TRIM58: variants seen among roughly 807,000 people sequenced by gnomAD.
TRIM58 encodes the protein E3 ubiquitin-protein ligase TRIM58.
In TRIM58, 38 loss-of-function variants were observed where a neutral mutation model predicts 34.1. The ratio of observed to expected loss-of-function variants is 1.12; its 90% CI spans 0.86 to 1.46. TRIM58 has a LOEUF of 1.46. Ranked by LOEUF, TRIM58 falls within the 40% of genes most tolerant of loss-of-function variation. TRIM58 has a pLI of 0.00. For missense variants in TRIM58, 677 were observed against 642.0 expected (o/e 1.05, Z -0.59); for synonymous variants, 273 against 275.7 (o/e 0.99, Z 0.10).
At chr1:247,864,029 G>T (rs190822382) in intron 2 of TRIM58, among the ~76,000 whole-genome samples, 98 of 152,222 alleles carry the variant, frequency 6.4e-4, no homozygotes, top group Admixed American at 2.6e-3. Flanking sequence ...GTTGTTTCTA[G>T]TGGTTCTAGC....
rs199888460 is a variant in TRIM58, at chr1:247,864,679, C to T, written c.517-26C>T. 115 of 1,610,312 alleles carry T rather than the reference C, an allele frequency of 7.1e-5. 1 individual carries two copies. In the East Asian group the frequency reaches 1.9e-3, roughly 26 times the overall value. On this transcript the variant is annotated intron_variant, in intron 2 of 5. Transcript: ENST00000366481. Reference sequence around the variant, plus strand: ...ATGGCTGCTGGAGGCCAAGCACTGACGATGTGATCCACGGTGTCACCTCAG... The same window carrying T: ...ATGGCTGCTGGAGGCCAAGCACTGATGATGTGATCCACGGTGTCACCTCAG...
intron 3 of TRIM58, among the ~76,000 whole-genome samples, chr1:247,865,883 A>G (rs1345032426): frequency 6.6e-6 from 1 of 152,166 alleles, no homozygotes; most frequent in Non-Finnish European, 1.5e-5. Flanking sequence ...CACGGATTCC[A>G]CCTTTTCTGA....
intron 2 of TRIM58, 73 bp from the exon 3 acceptor site, chr1:247,864,632 C>G (rs1340571350): frequency 1.3e-5 from 20 of 1,495,986 alleles, no homozygotes; most frequent in East Asian, 2.3e-5. Flanking sequence ...TGGACATTAC[C>G]TTCTCCAGCA....
At chr1:247,857,743 A>T in intron 1 of TRIM58, 77 bp downstream of exon 1, 1 of 1,197,752 alleles carries the variant, frequency 8.3e-7, no homozygotes, top group Admixed American at 4.4e-5. Flanking sequence ...GGAGCCGCCG[A>T]GGCCACCCGT....
intron 3 of TRIM58, among the ~76,000 whole-genome samples, chr1:247,865,572 A>G (rs535660887): frequency 4.6e-5 from 7 of 152,352 alleles, no homozygotes; most frequent in African/African-American, 1.7e-4. Flanking sequence ...CCCACATTGC[A>G]TGCCCGTTCC....
Position 247,879,699 on chromosome 1 carries a change from A to G in TRIM58, c.*3210A>G, listed in dbSNP as rs1453258680. On this transcript the variant is annotated 3_prime_UTR_variant, in exon 6 of 6. Transcript: ENST00000366481. ...TGGCCTCATGGCTGGGTTTCCACCA[A>G]AGCAGGCACTTCCCATCACAGGGCC... Among the ~76,000 whole-genome samples, 1 of 151,118 alleles carries G rather than the reference A, an allele frequency of 6.6e-6. No individual in the cohort carries two copies. The highest frequency in any genetic ancestry group is 2.0e-4 in the East Asian group (1 of 5,020).
intron 3 of TRIM58, 96 bp from the exon 4 acceptor site, chr1:247,867,749 G>T: frequency 7.6e-7 from 1 of 1,315,952 alleles, no homozygotes; most frequent in Non-Finnish European, 1.1e-6. Context: ...ATAATGTTTT[G>T]CAGTAGTTTC....
At chr1:247,872,430 A>C (rs938916565) in intron 5 of TRIM58, among the ~76,000 whole-genome samples, 2 of 152,200 alleles carry the variant, frequency 1.3e-5, no homozygotes, top group African/African-American at 4.8e-5. Context: ...ATGTGCTATA[A>C]ACAGGAAGAG....
chr1:247,857,638 C>A lies in TRIM58; in HGVS notation c.392C>A (p.Pro131Gln), dbSNP rs1418481341. ...GPEHRTHRTA[P>Q]LQEAAGSYQV... Reference sequence around the variant, plus strand: ...GAGCACAGGACGCACCGCACGGCGCCGCTGCAGGAGGCCGCCGGCAGCTAC... The same window carrying A: ...GAGCACAGGACGCACCGCACGGCGCAGCTGCAGGAGGCCGCCGGCAGCTAC... Residue 131 changes from proline to glutamine, a missense_variant, in exon 1 of 6, where the codon CCG (proline) becomes CAG (glutamine). By Grantham distance (76) the Pro-to-Gln change is moderately conservative (BLOSUM62 -1). Transcript: ENST00000366481. 2.4e-6 allele frequency: 3 copies of A among 1,238,178 alleles called. No individual in the cohort carries two copies. Among genetic ancestry groups the A allele is most frequent in the Admixed American group, 4.2e-5 (1 of 23,556 alleles). The allele number at this position is 1,238,178 out of a possible 1,614,324, so 76.7% of individuals were successfully genotyped here. A position where few individuals can be genotyped will look rare whatever the true frequency, so the allele number is the denominator to read the frequency against.
At chr1:247,859,894 A>C (rs557560161) in intron 1 of TRIM58, among the ~76,000 whole-genome samples, 1 of 152,232 alleles carries the variant, frequency 6.6e-6, no homozygotes, top group South Asian at 2.1e-4. Context: ...ATTTTATCTA[A>C]TATCATTCTC....
Position 247,879,066 on chromosome 1 carries a change from G to C in TRIM58, c.*2577G>C, listed in dbSNP as rs1659354246. On this transcript the variant is annotated 3_prime_UTR_variant, in exon 6 of 6. Transcript: ENST00000366481. Reference sequence around the variant, plus strand: ...TCTGAATGGTAGTCTTTTATATTCAGCTGTCCACTTGACATCAAAATAGAC... The same window carrying C: ...TCTGAATGGTAGTCTTTTATATTCACCTGTCCACTTGACATCAAAATAGAC... Among the ~76,000 whole-genome samples, 2 of 151,884 alleles carry C rather than the reference G, an allele frequency of 1.3e-5. No individual in the cohort carries two copies. Among genetic ancestry groups the C allele is most frequent in the African/African-American group, 2.4e-5 (1 of 41,266 alleles).
Position 247,876,086 on chromosome 1 carries a change from G to A in TRIM58, c.1058G>A (p.Gly353Glu). 1 of 1,614,176 alleles carries A rather than the reference G, an allele frequency of 6.2e-7. No homozygotes were observed. The highest frequency in any genetic ancestry group is 1.3e-5 in the African/African-American group (1 of 75,044). ...SGRHYWEVLV[G>E]EGAEWGLGVC... ...AGGCATTACTGGGAGGTTCTGGTGG[G>A]AGAAGGAGCAGAGTGGGGTTTAGGG... is the stretch of plus-strand genomic sequence containing the variant. The change falls in exon 6 of 6, where the codon GGA (glycine) becomes GAA (glutamate). Residue 353 changes from glycine (G) to glutamate (E), a missense_variant. Physicochemically the swap from Gly to Glu is moderately conservative, Grantham distance 98 (BLOSUM62 -2). Coordinates refer to ENST00000366481, the MANE Select transcript of TRIM58 (RefSeq NM_015431.4).
chr1:247,870,385 G>A (rs1320393043), intron 5 of TRIM58, among the ~76,000 whole-genome samples: 4 of 140,888 alleles, frequency 2.8e-5, no homozygotes, highest in African/African-American at 1.1e-4. Flanking sequence ...CAGTATCAGA[G>A]TCACGGCCAC....
chr1:247,872,853 A>G (rs562794115), intron 5 of TRIM58, among the ~76,000 whole-genome samples: 1 of 152,272 alleles, frequency 6.6e-6, no homozygotes, highest in South Asian at 2.1e-4. Context: ...GAAGGGAAAC[A>G]TGGATGAGTG....
intron 5 of TRIM58, among the ~76,000 whole-genome samples, chr1:247,870,117 G>A (rs1659072355): frequency 6.6e-6 from 1 of 152,116 alleles, no homozygotes; most frequent in Non-Finnish European, 1.5e-5. Flanking sequence ...TAAAATGCAG[G>A]GACTTCAGGC....
chr1:247,875,926 G>A lies in TRIM58; in HGVS notation c.898G>A (p.Ala300Thr), dbSNP rs1297417306. 1 of 1,613,112 alleles carries A rather than the reference G, an allele frequency of 6.2e-7. No individual in the cohort carries two copies. Among genetic ancestry groups the A allele is most frequent in the Admixed American group, 1.7e-5 (1 of 59,944 alleles). The change falls in exon 6 of 6, where the codon GCG (alanine) becomes ACG (threonine). Residue 300 changes from alanine (A) to threonine (T), a missense_variant. Coordinates refer to ENST00000366481, the MANE Select transcript of TRIM58 (RefSeq NM_015431.4). ...GGATGTAAAGCTGGATCCCGCCACGGCGCACCCGAGTCTGCTCTTGACCGC... is the reference window on the plus strand; with the variant it reads ...GGATGTAAAGCTGGATCCCGCCACGACGCACCCGAGTCTGCTCTTGACCGC... ...QVDVKLDPAT[A>T]HPSLLLTADL...
intron 2 of TRIM58, among the ~76,000 whole-genome samples, chr1:247,864,442 T>C (rs899427629): frequency 1.3e-5 from 2 of 152,116 alleles, no homozygotes; most frequent in Non-Finnish European, 1.5e-5. Flanking sequence ...TACTGAAACT[T>C]CAGTATAAAA....
intron 5 of TRIM58, among the ~76,000 whole-genome samples, chr1:247,874,222 G>A (rs1375925045): frequency 1.3e-5 from 2 of 152,326 alleles, no homozygotes; most frequent in East Asian, 1.9e-4. Flanking sequence ...GCTGGCACCT[G>A]TTTCTGGTGA....
chr1:247,858,404 T>G (rs553509695), intron 1 of TRIM58, among the ~76,000 whole-genome samples: 76 of 152,260 alleles, frequency 5.0e-4, no homozygotes, highest in Admixed American at 9.2e-4. Context: ...CCTTCAAAAG[T>G]TCTTGGATGT....
Sources: allele counts gnomAD v4.1 joint callset (sites outside exome capture counted in the v4.1 genomes callset), GRCh38; gene constraint gnomAD v4.1.1; transcripts MANE v1.5; gene names NCBI Gene and HGNC (gene_info 2026-07-23, HGNC 2026-07-21).